BRPF3: variants seen among roughly 807,000 people sequenced by gnomAD.
The protein encoded by BRPF3 is bromodomain and PHD finger-containing protein 3.
In BRPF3, 18 loss-of-function variants were observed where a neutral mutation model predicts 102.0. The ratio of observed to expected loss-of-function variants is 0.18; its 90% CI spans 0.12 to 0.26. The LOEUF (loss-of-function observed/expected upper bound fraction) is 0.26, where lower values mean the gene tolerates loss of function less well. Ranked by LOEUF, BRPF3 falls within the 10% of genes least tolerant of loss-of-function variation. The probability of loss-of-function intolerance (pLI) is 1.00; values close to 1 mark genes in which losing one functional copy is unlikely to be tolerated. For synonymous variants in BRPF3, 570 were observed against 614.2 expected, an observed-to-expected ratio of 0.93 and a Z score of 1.06; for missense variants, 1,147 against 1,567.8, an observed-to-expected ratio of 0.73 and a Z score of 4.53.
chr6:36,221,118 G>A (rs1768522558), intron 9 of BRPF3, among the ~76,000 whole-genome samples: 1 of 152,146 alleles, frequency 6.6e-6, no homozygotes, highest in African/African-American at 2.4e-5. Flanking sequence ...GTGTACATTA[G>A]AATTGTATGG....
At chr6:36,225,457 C>A in intron 11 of BRPF3, 93 bp downstream of exon 11, 1 of 1,176,232 alleles carries the variant, frequency 8.5e-7, no homozygotes, top group Non-Finnish European at 1.2e-6. Context: ...TGGTGGGAGT[C>A]AGAGTGTCTT....
chr6:36,224,218 A>T (rs982212295), intron 10 of BRPF3, among the ~76,000 whole-genome samples: 1 of 152,176 alleles, frequency 6.6e-6, no homozygotes, highest in African/African-American at 2.4e-5. Context: ...AATAAATAAA[A>T]TTTTTTAAAA....
At chr6:36,207,571 T>G in intron 4 of BRPF3, 127 bp downstream of exon 4, 1 of 1,287,288 alleles carries the variant, frequency 7.8e-7, no homozygotes, top group Non-Finnish European at 1.0e-6. Context: ...CTACCCAGGA[T>G]TGTAGGCTCC....
chr6:36,198,681 C>T (rs1444062612), intron 1 of BRPF3, among the ~76,000 whole-genome samples: 1 of 152,182 alleles, frequency 6.6e-6, no homozygotes, highest in Non-Finnish European at 1.5e-5. Flanking sequence ...AGATGGTAGA[C>T]CCTGCAACCA....
At chr6:36,229,998 G>C (rs1375049182) in intron 12 of BRPF3, among the ~76,000 whole-genome samples, 2 of 152,152 alleles carry the variant, frequency 1.3e-5, no homozygotes, top group African/African-American at 2.4e-5. Context: ...ACAGTGTGCA[G>C]GTCCCACCAC....
At position 36,211,448 on chromosome 6, in the gene BRPF3, A is replaced by G. The variant is rs981141230; in HGVS notation, c.2370A>G (p.Pro790=). 13 of 1,607,616 alleles carry G rather than the reference A, an allele frequency of 8.1e-6. No homozygotes were observed. Among genetic ancestry groups the G allele is most frequent in the Non-Finnish European group, 1.1e-5 (13 of 1,177,304 alleles). The change falls in exon 7 of 13, where the codon CCA becomes CCG. Residue 790 remains proline (P), a synonymous_variant. Coordinates refer to ENST00000357641, the MANE Select transcript of BRPF3 (RefSeq NM_015695.3). Reference sequence around the variant, plus strand: ...TGGCACAGCCACCACCACCACAGCCACCATCACTCAACAAGACAGTATCCA... The same window carrying G: ...TGGCACAGCCACCACCACCACAGCCGCCATCACTCAACAAGACAGTATCCA... ...QKLAQPPPPQ[P]PSLNKTVSNG...
At chr6:36,220,854 T>C (rs1189307094) in intron 9 of BRPF3, among the ~76,000 whole-genome samples, 1 of 152,228 alleles carries the variant, frequency 6.6e-6, no homozygotes, top group Non-Finnish European at 1.5e-5. Flanking sequence ...AAAGTTTTCT[T>C]AGCATACGTT....
rs1293069528 is a variant in BRPF3 at position 36,232,121 on chromosome 6, A to G, written c.*1512A>G. 1.3e-5 allele frequency: 2 copies of G among 152,684 alleles called. No homozygotes were observed. The highest frequency in any genetic ancestry group is 2.4e-5 in the African/African-American group (1 of 41,456). The allele number at this position is 152,684 out of a possible 1,614,324, so 9.5% of individuals were successfully genotyped here. On this transcript the variant is annotated 3_prime_UTR_variant, in exon 13 of 13. Transcript: ENST00000357641. ...ACATTTGGGACATGAGCCAGAGTTT[A>G]AAAGGGAACCAACAAAACACTATAA...
Position 36,211,565 on chromosome 6 carries a change from G to A in BRPF3, c.2482+5G>A. On this transcript the variant is annotated splice_donor_5th_base_variant and intron_variant, in intron 7 of 12. Coordinates refer to ENST00000357641, the MANE Select transcript of BRPF3 (RefSeq NM_015695.3). ...CAGAAGACGATGGGGACAGAGGTGA[G>A]AGATAGTCACAGGCAGGCAGGGGGT... 1 of 1,550,002 alleles carries A rather than the reference G, an allele frequency of 6.5e-7. No homozygotes were observed. Among genetic ancestry groups the A allele is most frequent in the Non-Finnish European group, 8.7e-7 (1 of 1,145,196 alleles).
rs9368909 is a variant in BRPF3 at position 36,205,049 on chromosome 6, C to T, written c.1605+235C>T. Among the ~76,000 whole-genome samples the T allele has an allele frequency of 2.2e-4, 34 of 152,212 alleles. 1 individual carries two copies. Among genetic ancestry groups the T allele is most frequent in the Admixed American group, 1.7e-3 (26 of 15,292 alleles). ...ATTCTAGGGGAGAGTGGAGAGCATG[C>T]GTAGCTTTCCATATATGTGGGGAAA... On this transcript the variant is annotated intron_variant, in intron 3 of 12. Transcript: ENST00000357641.
Position 36,209,852 on chromosome 6 carries a change from A to G in BRPF3, c.1803A>G (p.Thr601=). The change falls in exon 5 of 13, where the codon ACA becomes ACG. Residue 601 remains threonine (T), a synonymous_variant. Coordinates refer to ENST00000357641, the MANE Select transcript of BRPF3 (RefSeq NM_015695.3). ...CATTCAATGTTCTGTTGAGGACAAC[A>G]CTGGACCTGCTGCAGGAGAAGGATC... ...LMPFNVLLRT[T]LDLLQEKDPA... 6.2e-7 allele frequency: 1 copy of G among 1,614,214 alleles called. No homozygotes were observed. Among genetic ancestry groups the G allele is most frequent in the Non-Finnish European group, 8.5e-7 (1 of 1,180,028 alleles).
intron 8 of BRPF3, among the ~76,000 whole-genome samples, chr6:36,217,195 A>G (rs1343290406): frequency 6.6e-6 from 1 of 152,190 alleles, no homozygotes; most frequent in Non-Finnish European, 1.5e-5. Context: ...TAAGTAAGGT[A>G]TTATCTTCAC....
At chr6:36,225,410 T>C (rs1393606546) in intron 11 of BRPF3, 46 bp downstream of exon 11, 1 of 1,517,644 alleles carries the variant, frequency 6.6e-7, no homozygotes, top group Non-Finnish European at 9.1e-7. Flanking sequence ...CTGCCTTGCC[T>C]TGGGGGCTAA....
At position 36,210,480 on chromosome 6, in the gene BRPF3, C is replaced by T. The variant is rs775733034; in HGVS notation, c.2131C>T (p.Pro711Ser). The change falls in exon 6 of 13, where the codon CCC becomes TCC. Residue 711 changes from proline (P) to serine (S), a missense_variant. Physicochemically the swap from Pro to Ser is moderately conservative, Grantham distance 74. Transcript: ENST00000357641. This position sits in a 1 kb window ranked among gnomAD's most constrained non-coding sequence, Gnocchi z 4.7. ...GYDPERGTHL[P>S]ESPKLEDFYR... ...TGACCCCGAGAGGGGCACTCACCTG[C>T]CCGAGTCACCCAAATTGGAAGACTT... 6.2e-7 allele frequency: 1 copy of T among 1,603,896 alleles called. No individual in the cohort carries two copies. The highest frequency in any genetic ancestry group is 8.5e-7 in the Non-Finnish European group (1 of 1,179,470).
rs764805245 is a variant in BRPF3, at chr6:36,211,353, C to T, written c.2275C>T (p.Arg759Trp). ...GAAACTGGACCTGGTGAGCGCCATG[C>T]GGTCCAGTGGGGCCCGCACCCGTCG... ...LEKLDLVSAMRSSGARTRRVR... is the reference protein window; with the variant it reads ...LEKLDLVSAMWSSGARTRRVR... Residue 759 changes from arginine (R) to tryptophan (W), a missense_variant, in exon 7 of 13, where the codon CGG (arginine) becomes TGG (tryptophan). Arg to Trp is a moderately radical substitution (Grantham distance 101, BLOSUM62 -3). Around this residue, in one of 11 missense-constraint regions of BRPF3, gnomAD observed 379 missense variants for 426.3 expected, o/e 0.89. Coordinates refer to ENST00000357641, the MANE Select transcript of BRPF3 (RefSeq NM_015695.3). 20 of 1,614,242 alleles carry T rather than the reference C, an allele frequency of 1.2e-5. No homozygotes were observed. Among genetic ancestry groups the T allele is most frequent in the Non-Finnish European group, 1.3e-5 (15 of 1,180,040 alleles).
Position 36,218,011 on chromosome 6 carries a change from G to C in BRPF3, c.3083+1G>C. The C allele has an allele frequency of 6.2e-7, 1 of 1,611,086 alleles. No homozygotes were observed. Among genetic ancestry groups the C allele is most frequent in the Non-Finnish European group, 8.5e-7 (1 of 1,178,512 alleles). On this transcript the variant is annotated splice_donor_variant, in intron 9 of 12. Transcript: ENST00000357641. LOFTEE classifies it high-confidence loss of function. Reference sequence around the variant, plus strand: ...GTGGACTGGCATTTGAAGCTTGCAGGTAAGAACACATTCCCAAAGCTTTGT... The same window carrying C: ...GTGGACTGGCATTTGAAGCTTGCAGCTAAGAACACATTCCCAAAGCTTTGT...
At chr6:36,222,382 A>C in intron 10 of BRPF3, 117 bp downstream of exon 10, 7 of 843,194 alleles carry the variant, frequency 8.3e-6, no homozygotes, top group East Asian at 5.5e-5. Context: ...GCTCCCCCAA[A>C]CTCTTGGGCC....
At position 36,231,206 on chromosome 6, in the gene BRPF3, T is replaced by C. The variant is rs1007483378; in HGVS notation, c.*597T>C. On this transcript the variant is annotated 3_prime_UTR_variant, in exon 13 of 13. Coordinates refer to ENST00000357641, the MANE Select transcript of BRPF3 (RefSeq NM_015695.3). Reference sequence around the variant, plus strand: ...CAGAAACCGTCACCACACTGGTCTTTTTCTTTAATGTCTCATTCCCCTTGA... The same window carrying C: ...CAGAAACCGTCACCACACTGGTCTTCTTCTTTAATGTCTCATTCCCCTTGA... 1 of 152,982 alleles carries C rather than the reference T, an allele frequency of 6.5e-6. No individual in the cohort carries two copies. The highest frequency in any genetic ancestry group is 1.5e-5 in the Non-Finnish European group (1 of 68,308). 9.5% of individuals were successfully genotyped at this position (152,982 alleles called of 1,614,324 possible). A position where few individuals can be genotyped will look rare whatever the true frequency, so the allele number is the denominator to read the frequency against.
chr6:36,222,988 A>G lies in BRPF3; in HGVS notation c.3181+723A>G, dbSNP rs747050670. On this transcript the variant is annotated intron_variant, in intron 10 of 12. Transcript: ENST00000357641. ...TATCAGTGATAGCCTGTATCACTGA[A>G]TCTCGCACATACATAACCCTGTAGT... Among the ~76,000 whole-genome samples the G allele has an allele frequency of 8.7e-4, 132 of 152,172 alleles. 2 individuals are homozygous for G. Among genetic ancestry groups the G allele is most frequent in the Non-Finnish European group, 3.8e-4 (26 of 68,034 alleles).
Sources: allele counts gnomAD v4.1 joint callset (sites outside exome capture counted in the v4.1 genomes callset), GRCh38; gene constraint gnomAD v4.1.1; regional missense constraint gnomAD v4.1.1; non-coding constraint Gnocchi (gnomAD v3.1); transcripts MANE v1.5; gene names NCBI Gene and HGNC (gene_info 2026-07-23, HGNC 2026-07-21).